Variants in KIF26B observed in about 807,000 individuals in gnomAD.
KIF26B encodes kinesin family member 26B.
In KIF26B, 63 loss-of-function variants were observed where a neutral mutation model predicts 151.2. The ratio of observed to expected loss-of-function variants is 0.42; its 90% CI spans 0.34 to 0.51. The LOEUF (loss-of-function observed/expected upper bound fraction) is 0.51, where lower values mean the gene tolerates loss of function less well. KIF26B is among the 20% of genes least tolerant of loss of function. KIF26B has a pLI of 0.07. For synonymous variants in KIF26B, 1,357 were observed against 1,262.1 expected, an observed-to-expected ratio of 1.08 and a Z score of -1.59; for missense variants, 2,813 against 2,913.6, an observed-to-expected ratio of 0.97 and a Z score of 0.79.
In KIF26B at chr1:245,361,923, T is replaced by C. The variant is rs147533704; in HGVS notation, c.466-4911T>C. ...ATGATAGAACCTTGAGGGTGGTGAC[T>C]TCCCCACCCGGAGCCATGGGTCGTG... On this transcript the variant is annotated intron_variant, in intron 2 of 14. Transcript: ENST00000407071. Among the ~76,000 whole-genome samples the C allele has an allele frequency of 4.0e-3, 603 of 151,802 alleles. 2 individuals carry two copies. The highest frequency in any genetic ancestry group is 6.8e-3 in the Middle Eastern group (2 of 294).
chr1:245,497,805 G>A (rs183724230), intron 4 of KIF26B, among the ~76,000 whole-genome samples: 11 of 152,248 alleles, frequency 7.2e-5, no homozygotes, highest in African/African-American at 1.2e-4. Context: ...GTGCAATGGC[G>A]TGATCTCAGC....
chr1:245,496,944 A>C (rs985747044), intron 4 of KIF26B, among the ~76,000 whole-genome samples: 2 of 152,178 alleles, frequency 1.3e-5, no homozygotes, highest in Non-Finnish European at 1.5e-5. Context: ...TCATGAAGTC[A>C]GGAGTTCAAG....
chr1:245,302,941 A>G (rs1363864047), intron 2 of KIF26B, among the ~76,000 whole-genome samples: 2 of 128,728 alleles, frequency 1.6e-5, no homozygotes, highest in African/African-American at 6.0e-5. Context: ...GTGAGCCAAG[A>G]TCGTGCCATT....
Position 245,611,966 on chromosome 1 carries a change from G to A in KIF26B, c.2088G>A (p.Gly696=). The change falls in exon 9 of 15, where the codon GGG becomes GGA. Residue 696 remains glycine (G), a synonymous_variant. Transcript: ENST00000407071. The part of the protein sequence containing the change: ...HIYQYRMEKS[G]KGGMSGGRSR... Reference sequence around the variant, plus strand: ...ACCAGTACCGGATGGAGAAGAGCGGGAAAGGGGGAAGTAAGTCGGCCACTC... The same window carrying A: ...ACCAGTACCGGATGGAGAAGAGCGGAAAAGGGGGAAGTAAGTCGGCCACTC... The A allele has an allele frequency of 6.2e-7, 1 of 1,611,788 alleles. No individual in the cohort carries two copies.
intron 2 of KIF26B, among the ~76,000 whole-genome samples, chr1:245,169,433 G>A (rs923636949): frequency 1.3e-5 from 2 of 151,700 alleles, no homozygotes; most frequent in South Asian, 4.2e-4. Context: ...TTCTGCCCCA[G>A]GTTTCAGACA....
chr1:245,420,484 A>C (rs920954302), intron 4 of KIF26B, among the ~76,000 whole-genome samples: 8 of 152,288 alleles, frequency 5.3e-5, no homozygotes, highest in Middle Eastern at 3.4e-3. Context: ...CAGAAATAGA[A>C]ACCGGATTGC....
At chr1:245,690,535 G>A (rs1228021456) in intron 12 of KIF26B, among the ~76,000 whole-genome samples, 2 of 152,232 alleles carry the variant, frequency 1.3e-5, no homozygotes, top group Non-Finnish European at 2.9e-5. Context: ...GCTGTGGTCA[G>A]TGAACATTAT....
intron 4 of KIF26B, among the ~76,000 whole-genome samples, chr1:245,440,272 G>A (rs1659045424): frequency 1.3e-5 from 2 of 151,920 alleles, no homozygotes; most frequent in African/African-American, 4.8e-5. Flanking sequence ...TAAAAGGGAA[G>A]CAAAGCCTGG....
intron 2 of KIF26B, among the ~76,000 whole-genome samples, chr1:245,319,044 A>C (rs4658749): frequency 0.33 from 50,836 of 152,038 alleles, 12,166 homozygotes; most frequent in African/African-American, 0.66. Flanking sequence ...GATGGAGTCA[A>C]CCTGCCACTA....
chr1:245,175,750 G>A (rs988384240), intron 2 of KIF26B, among the ~76,000 whole-genome samples: 1 of 151,914 alleles, frequency 6.6e-6, no homozygotes, highest in Non-Finnish European at 1.5e-5. Flanking sequence ...TTACTCAAAA[G>A]CCTCTTCGTT....
At chr1:245,511,474 C>T (rs1660836068) in intron 4 of KIF26B, among the ~76,000 whole-genome samples, 1 of 152,160 alleles carries the variant, frequency 6.6e-6, no homozygotes, top group African/African-American at 2.4e-5. Flanking sequence ...TTGACATTGG[C>T]TCATATTAGA....
intron 2 of KIF26B, among the ~76,000 whole-genome samples, chr1:245,334,658 C>T (rs181230134): frequency 9.9e-5 from 15 of 152,232 alleles, no homozygotes; most frequent in African/African-American, 2.6e-4. Flanking sequence ...AGTATGGGTG[C>T]GGGGCAGACA....
At chr1:245,270,157 T>TTTCTCTTCCCTCCCTTCTTCCC in intron 2 of KIF26B, among the ~76,000 whole-genome samples, 2 of 50,274 alleles carry the variant, frequency 4.0e-5, no homozygotes, top group Non-Finnish European at 7.8e-5. Context: ...TCCTTCTTCC[T>TTTCTCTTCCCTCCCTTCTTCCC]TTCTCTTCCC....
At chr1:245,342,304 C>T (rs1323296548) in intron 2 of KIF26B, among the ~76,000 whole-genome samples, 2 of 152,112 alleles carry the variant, frequency 1.3e-5, no homozygotes, top group Admixed American at 6.5e-5. Context: ...AGAAGTGAGC[C>T]GCGTGGTTTT....
At chr1:245,694,610 G>A (rs1169508360) in intron 12 of KIF26B, among the ~76,000 whole-genome samples, 2 of 152,140 alleles carry the variant, frequency 1.3e-5, no homozygotes, top group African/African-American at 2.4e-5. Context: ...AGCTTCTCAC[G>A]TGGGCTGTCA....
chr1:245,652,145 T>TGTGTGTGTGTGTGGGA (rs368258830), intron 10 of KIF26B, among the ~76,000 whole-genome samples: 55 of 142,760 alleles, frequency 3.9e-4, no homozygotes, highest in African/African-American at 1.3e-3. Flanking sequence ...TGTGTGTGTG[T>TGTGTGTGTGTGTGGGA]GAGAGAGACA....
At chr1:245,666,730 T>A (rs1609660) in intron 10 of KIF26B, among the ~76,000 whole-genome samples, 90,446 of 151,684 alleles carry the variant, frequency 0.6, 27,306 homozygotes, top group East Asian at 0.82. Flanking sequence ...ATTTAACTTG[T>A]CCGTACCAAA....
Position 245,684,250 on chromosome 1 carries a change from TG to T in KIF26B, c.2277del (p.Met759IlefsTer10). 1 of 1,613,374 alleles carries T rather than the reference TG, an allele frequency of 6.2e-7. No individual in the cohort carries two copies. Among genetic ancestry groups the T allele is most frequent in the Non-Finnish European group, 8.5e-7 (1 of 1,179,460 alleles). On this transcript the variant is annotated frameshift_variant, in exon 11 of 15. Transcript: ENST00000407071. LOFTEE classifies it high-confidence loss of function. The part of the protein sequence containing the change: ...HIPYKESKLA[M>X]LLRESLGNMN... Reference sequence around the variant, plus strand: ...TTTGGCAGAGAGAGCAAGCTCGCCATGTTGCTGCGGGAGTCTCTGGGGAACA... The same window carrying T: ...TTTGGCAGAGAGAGCAAGCTCGCCATTTGCTGCGGGAGTCTCTGGGGAACA...
At chr1:245,194,061 A>T (rs1669152958) in intron 2 of KIF26B, among the ~76,000 whole-genome samples, 3 of 152,340 alleles carry the variant, frequency 2.0e-5, no homozygotes, top group Admixed American at 6.5e-5. Context: ...TTGTTAAAGC[A>T]TTCCACGTAG....
Sources: allele counts gnomAD v4.1 joint callset (sites outside exome capture counted in the v4.1 genomes callset), GRCh38; gene constraint gnomAD v4.1.1; transcripts MANE v1.5; gene names NCBI Gene and HGNC (gene_info 2026-07-23, HGNC 2026-07-21).